The following GNG7 variants were observed in gnomAD, a reference collection of about 807,000 sequenced individuals.
GNG7 encodes guanine nucleotide-binding protein G(I)/G(S)/G(O) subunit gamma-7.
GNG7 carries 1 observed loss-of-function variant against 4.0 expected under a neutral mutation model. That is an observed-to-expected ratio of 0.25 (90% CI 0.09 to 1.18). The LOEUF is 1.18. Ranked by LOEUF, GNG7 falls within the 50% of genes most tolerant of loss-of-function variation. The probability of loss-of-function intolerance (pLI) is 0.50; values close to 1 mark genes in which losing one functional copy is unlikely to be tolerated. For missense variants in GNG7, 86 were observed against 91.9 expected (o/e 0.94, Z 0.26); for synonymous variants, 34 against 36.9 (o/e 0.92, Z 0.29).
chr19:2,569,057 G>A (rs191284616), intron 2 of GNG7, among the ~76,000 whole-genome samples: 17 of 150,796 alleles, frequency 1.1e-4, no homozygotes, highest in African/African-American at 2.7e-4. Flanking sequence ...ACACAGAAGC[G>A]CACACACATA....
chr19:2,599,900 G>A (rs1347066296), intron 2 of GNG7, among the ~76,000 whole-genome samples: 1 of 150,432 alleles, frequency 6.6e-6, no homozygotes, highest in Non-Finnish European at 1.5e-5. Context: ...TGGCGCCACC[G>A]CACTCCAGCC....
rs1406834747 is a variant in GNG7, at chr19:2,514,833, C to G, written c.*189G>C. 1.8e-6 allele frequency: 1 copy of G among 548,256 alleles called. No homozygotes were observed. Among genetic ancestry groups the G allele is most frequent in the Non-Finnish European group, 3.3e-6 (1 of 306,436 alleles). The allele number at this position is 548,256 out of a possible 1,614,324, so 34.0% of individuals were successfully genotyped here. A position where few individuals can be genotyped will look rare whatever the true frequency, so the allele number is the denominator to read the frequency against. On this transcript the variant is annotated 3_prime_UTR_variant, in exon 5 of 5. Coordinates refer to ENST00000382159, the MANE Select transcript of GNG7 (RefSeq NM_052847.3). ...TCTCCACCTACAAGGTCCATTCTAC[C>G]CCATCCGGGCGGTGGGAACGCCTTT...
rs980035173 is a variant in GNG7, at chr19:2,633,218, G to A, written c.-78+13006C>T. 5.3e-5 allele frequency among the ~76,000 whole-genome samples: 8 copies of A among 152,184 alleles called. No individual in the cohort carries two copies. Among genetic ancestry groups the A allele is most frequent in the African/African-American group, 1.7e-4 (7 of 41,450 alleles). On this transcript the variant is annotated intron_variant, in intron 2 of 4. Transcript: ENST00000382159. The surrounding 1 kb of genome is among the most constrained non-coding windows in gnomAD (Gnocchi z 5.9). ...CCTCATCATTGCTGTCCTGGGCAATGGACTCTGACCCCTGCTGTAGAGGGT... is the reference window on the plus strand; with the variant it reads ...CCTCATCATTGCTGTCCTGGGCAATAGACTCTGACCCCTGCTGTAGAGGGT...
chr19:2,678,577 G>A (rs534498769), intron 1 of GNG7, among the ~76,000 whole-genome samples: 1 of 152,144 alleles, frequency 6.6e-6, no homozygotes, highest in South Asian at 2.1e-4. Context: ...ACCAAATCCT[G>A]GGATGGGGTA....
At chr19:2,574,126 T>G (rs546446060) in intron 2 of GNG7, among the ~76,000 whole-genome samples, 1 of 152,136 alleles carries the variant, frequency 6.6e-6, no homozygotes, top group Non-Finnish European at 1.5e-5. Flanking sequence ...AAACCCGCCC[T>G]GCCAGCCACC....
At chr19:2,606,519 G>C (rs1981388200) in intron 2 of GNG7, among the ~76,000 whole-genome samples, 1 of 152,018 alleles carries the variant, frequency 6.6e-6, no homozygotes, top group Non-Finnish European at 1.5e-5. Flanking sequence ...GCTGGGTGTG[G>C]TGGTGCACGC....
intron 2 of GNG7, among the ~76,000 whole-genome samples, chr19:2,639,737 A>G (rs566646707): frequency 3.1e-4 from 1 of 3,254 alleles, no homozygotes; most frequent in Admixed American, 2.6e-3. Flanking sequence ...AAGGGAGAGA[A>G]GGAGGGAGGG....
At chr19:2,646,844 A>G (rs1192025336) in intron 1 of GNG7, among the ~76,000 whole-genome samples, 5 of 152,252 alleles carry the variant, frequency 3.3e-5, no homozygotes, top group Admixed American at 2.6e-4. Flanking sequence ...CAGTTTATCA[A>G]AAACATCTCT....
intron 1 of GNG7, among the ~76,000 whole-genome samples, chr19:2,681,533 C>T (rs1368348756): frequency 1.3e-5 from 2 of 152,056 alleles, no homozygotes; most frequent in East Asian, 3.9e-4. Context: ...CCTCCCAAAG[C>T]GCTGGGATCA....
chr19:2,689,636 A>C lies in GNG7; in HGVS notation c.-135+13010T>G, dbSNP rs538199727. Among the ~76,000 whole-genome samples the C allele has an allele frequency of 1.8e-4, 27 of 151,244 alleles. No homozygotes were observed. The South Asian group carries it at 4.2e-3, about 23-fold the overall frequency. ...AGACTCCAACTCAAAAAAAAAAAAA[A>C]AAAAAAAAAAAAACCATATTCGATG... On this transcript the variant is annotated intron_variant, in intron 1 of 4. Coordinates refer to ENST00000382159, the MANE Select transcript of GNG7 (RefSeq NM_052847.3).
In GNG7 at chr19:2,634,286, G is replaced by A. The variant is rs767483323; in HGVS notation, c.-78+11938C>T. ...GGGGTGGGGCCGTCCTGGGCACTGCGGGGTGCTGAGCAGTATCCCTGGCCT... is the reference window on the plus strand; with the variant it reads ...GGGGTGGGGCCGTCCTGGGCACTGCAGGGTGCTGAGCAGTATCCCTGGCCT... On this transcript the variant is annotated intron_variant, in intron 2 of 4. Coordinates refer to ENST00000382159, the MANE Select transcript of GNG7 (RefSeq NM_052847.3). This position sits in a 1 kb window ranked among gnomAD's most constrained non-coding sequence, Gnocchi z 5.3. 1.3e-5 allele frequency among the ~76,000 whole-genome samples: 2 copies of A among 151,936 alleles called. No individual in the cohort carries two copies. Among genetic ancestry groups the A allele is most frequent in the African/African-American group, 2.4e-5 (1 of 41,372 alleles).
intron 1 of GNG7, among the ~76,000 whole-genome samples, chr19:2,675,986 C>T (rs1983584203): frequency 6.6e-6 from 1 of 152,178 alleles, no homozygotes; most frequent in Non-Finnish European, 1.5e-5. Context: ...TAAGATGAGC[C>T]CTAAATCCAA....
At chr19:2,568,213 A>G (rs1198179781) in intron 2 of GNG7, among the ~76,000 whole-genome samples, 1 of 151,792 alleles carries the variant, frequency 6.6e-6, no homozygotes, top group African/African-American at 2.4e-5. Context: ...AGACATACAC[A>G]TACAGACATG....
intron 2 of GNG7, among the ~76,000 whole-genome samples, chr19:2,604,796 A>G (rs1272464494): frequency 6.6e-6 from 1 of 152,218 alleles, no homozygotes; most frequent in Non-Finnish European, 1.5e-5. Flanking sequence ...CTTTTCCCAG[A>G]CAGAGATGCA....
At chr19:2,552,777 G>A (rs887757978) in intron 3 of GNG7, among the ~76,000 whole-genome samples, 1 of 151,316 alleles carries the variant, frequency 6.6e-6, no homozygotes, top group Non-Finnish European at 1.5e-5. Flanking sequence ...ATATTACAAT[G>A]TCATAATAAC....
At chr19:2,520,522 C>T in intron 4 of GNG7, 86 bp downstream of exon 4, 1 of 726,554 alleles carries the variant, frequency 1.4e-6, no homozygotes, top group Non-Finnish European at 2.4e-6. Context: ...GTGCAAGCCT[C>T]TGCCCTCCTG....
At chr19:2,636,292 A>G (rs1982306057) in intron 2 of GNG7, among the ~76,000 whole-genome samples, 1 of 151,960 alleles carries the variant, frequency 6.6e-6, no homozygotes, top group Non-Finnish European at 1.5e-5. Context: ...CGAGTCTCTA[A>G]CTCACAGGCG....
chr19:2,624,658 C>T (rs567038862), intron 2 of GNG7, among the ~76,000 whole-genome samples: 3 of 152,284 alleles, frequency 2.0e-5, no homozygotes, highest in South Asian at 2.1e-4. Flanking sequence ...CTCTCGTCTC[C>T]GGAGCAGTGA....
intron 2 of GNG7, among the ~76,000 whole-genome samples, chr19:2,613,371 C>A (rs760278223): frequency 6.6e-6 from 1 of 152,196 alleles, no homozygotes; most frequent in African/African-American, 2.4e-5. Context: ...GTCTACACTA[C>A]CTGGAGAGGG....
Sources: allele counts gnomAD v4.1 joint callset (sites outside exome capture counted in the v4.1 genomes callset), GRCh38; gene constraint gnomAD v4.1.1; non-coding constraint Gnocchi (gnomAD v3.1); transcripts MANE v1.5; gene names NCBI Gene and HGNC (gene_info 2026-07-23, HGNC 2026-07-21).